TENM2: variants seen among roughly 807,000 people sequenced by gnomAD.
TENM2 encodes the protein teneurin transmembrane protein 2.
In TENM2, 52 loss-of-function variants were observed where a neutral mutation model predicts 245.2. That is an observed-to-expected ratio of 0.21 (90% CI 0.17 to 0.27). The LOEUF (loss-of-function observed/expected upper bound fraction) is 0.27, where lower values mean the gene tolerates loss of function less well. Among genes scored for constraint, TENM2 ranks in the 10% least tolerant of loss-of-function variants. TENM2 has a pLI of 1.00. For synonymous variants in TENM2, 1,363 were observed against 1,438.9 expected (o/e 0.95, Z 1.19); for missense variants, 3,046 against 3,666.8 (o/e 0.83, Z 4.37).
At chr5:167,612,505 A>G (rs1293600482) in intron 2 of TENM2, among the ~76,000 whole-genome samples, 1 of 152,102 alleles carries the variant, frequency 6.6e-6, no homozygotes, top group Non-Finnish European at 1.5e-5. Flanking sequence ...ATCATCCAAC[A>G]GTGGCTTGGT....
At chr5:167,719,522 T>G (rs1188429024) in intron 2 of TENM2, among the ~76,000 whole-genome samples, 1 of 152,216 alleles carries the variant, frequency 6.6e-6, no homozygotes, top group African/African-American at 2.4e-5. Context: ...AAAGGTGAAG[T>G]GCATGTTTGA....
intron 2 of TENM2, among the ~76,000 whole-genome samples, chr5:167,438,520 T>C (rs557525124): frequency 3.3e-5 from 5 of 152,112 alleles, no homozygotes; most frequent in African/African-American, 1.2e-4. Context: ...GCCTCCCAAG[T>C]AGCTGGGACT....
chr5:167,678,280 A>G (rs1715827537), intron 2 of TENM2, among the ~76,000 whole-genome samples: 1 of 152,146 alleles, frequency 6.6e-6, no homozygotes, highest in African/African-American at 2.4e-5. Context: ...AGGGAAAAGT[A>G]AATGTCTGAA....
chr5:167,258,215 G>GTATATATATATGTGTGTGTATATATA, the TENM2 span, among the ~76,000 whole-genome samples: 2 of 122,890 alleles, frequency 1.6e-5, no homozygotes, highest in African/African-American at 6.2e-5. Flanking sequence ...ATATATATAT[G>GTATATATATATGTGTGTGTATATATA]TATATATATA....
At chr5:167,979,850 G>A (rs1306841728) in intron 4 of TENM2, among the ~76,000 whole-genome samples, 1 of 152,154 alleles carries the variant, frequency 6.6e-6, no homozygotes, top group East Asian at 1.9e-4. Flanking sequence ...ATACGAACAT[G>A]ATGTTGTTTA....
chr5:166,999,808 G>A, the TENM2 span, among the ~76,000 whole-genome samples: 76 of 150,904 alleles, frequency 5.0e-4, no homozygotes, highest in African/African-American at 1.8e-3. Context: ...AGCCTGAAGC[G>A]CAAGGGAGTG....
the TENM2 span, among the ~76,000 whole-genome samples, chr5:167,017,082 C>T: frequency 0.4 from 60,414 of 152,002 alleles, 12,849 homozygotes; most frequent in Admixed American, 0.54. Context: ...TCTCTTCCCT[C>T]CCATTGTTTA....
intron 2 of TENM2, among the ~76,000 whole-genome samples, chr5:167,674,197 CCTT>C (rs1466102681): frequency 1.3e-5 from 2 of 152,130 alleles, no homozygotes; most frequent in East Asian, 3.9e-4. Flanking sequence ...AACTGGCTGA[CCTT>C]CTTGCGTGCA....
chr5:167,539,543 GTA>G (rs1322172955), intron 2 of TENM2, among the ~76,000 whole-genome samples: 2 of 152,078 alleles, frequency 1.3e-5, no homozygotes, highest in Admixed American at 6.5e-5. Flanking sequence ...TAAGATTAAG[GTA>G]TAAGAAAGGA....
At chr5:167,171,734 A>C in the TENM2 span, among the ~76,000 whole-genome samples, 1 of 152,172 alleles carries the variant, frequency 6.6e-6, no homozygotes, top group Non-Finnish European at 1.5e-5. Flanking sequence ...AGGGAGAGGA[A>C]GATCAACTGA....
intron 5 of TENM2, among the ~76,000 whole-genome samples, chr5:168,012,772 C>CT (rs1294321008): frequency 1.1e-4 from 5 of 44,008 alleles, no homozygotes; most frequent in Admixed American, 7.6e-4. Context: ...TCAAGAACAA[C>CT]TGAAAAAAAA....
intron 7 of TENM2, among the ~76,000 whole-genome samples, chr5:168,076,369 G>A (rs1791477961): frequency 6.6e-6 from 1 of 151,816 alleles, no homozygotes; most frequent in Admixed American, 6.6e-5. Flanking sequence ...GGGACTACAG[G>A]TGCACCCCAC....
At chr5:168,185,207 G>A (rs1760280985) in intron 13 of TENM2, 1 of 152,134 alleles carries the variant, frequency 6.6e-6, no homozygotes, top group African/African-American at 2.4e-5. Context: ...TCCTAATAAT[G>A]AAGACAAAAG....
At chr5:167,738,221 T>C (rs188892166) in intron 2 of TENM2, among the ~76,000 whole-genome samples, 2 of 152,286 alleles carry the variant, frequency 1.3e-5, no homozygotes, top group Admixed American at 1.3e-4. Flanking sequence ...CGGTGGAAGT[T>C]TCTGGCTGTG....
chr5:168,131,757 C>T (rs913404467), intron 12 of TENM2, among the ~76,000 whole-genome samples: 9 of 152,026 alleles, frequency 5.9e-5, no homozygotes, highest in Non-Finnish European at 7.4e-5. Flanking sequence ...GGCTATTGTC[C>T]TTGAACACTT....
At chr5:167,020,910 G>A in the TENM2 span, among the ~76,000 whole-genome samples, 1 of 152,236 alleles carries the variant, frequency 6.6e-6, no homozygotes, top group Non-Finnish European at 1.5e-5. Flanking sequence ...TTGGGAGGCC[G>A]AGGCAGGTGG....
At chr5:167,582,941 G>T (rs1775196975) in intron 2 of TENM2, among the ~76,000 whole-genome samples, 1 of 152,140 alleles carries the variant, frequency 6.6e-6, no homozygotes, top group African/African-American at 2.4e-5. Context: ...TGTCCCTGAT[G>T]TTGGAAAATG....
chr5:167,770,002 C>A (rs905235546), intron 2 of TENM2, among the ~76,000 whole-genome samples: 1 of 152,190 alleles, frequency 6.6e-6, no homozygotes, highest in African/African-American at 2.4e-5. Flanking sequence ...AAGCTACTTT[C>A]TGTCTTCCCA....
intron 2 of TENM2, among the ~76,000 whole-genome samples, chr5:167,640,844 T>TATATATATATATCA (rs1554094232): frequency 2.5e-4 from 1 of 4,066 alleles, no homozygotes; most frequent in Non-Finnish European, 6.8e-4. Context: ...TATATATCCA[T>TATATATATATATCA]ATATATATAT....
Sources: gnomAD v4.1 joint callset for allele counts (sites outside exome capture counted in the v4.1 genomes callset) on GRCh38, gnomAD v4.1.1 for gene constraint, MANE v1.5 for transcripts, NCBI Gene and HGNC (gene_info 2026-07-23, HGNC 2026-07-21) for gene names.